MAF: variants seen among roughly 807,000 people sequenced by gnomAD.
MAF encodes the protein transcription factor Maf.
In MAF, 10 loss-of-function variants were observed where a neutral mutation model predicts 22.0. That is an observed-to-expected ratio of 0.45 (90% CI 0.28 to 0.77). MAF has a LOEUF of 0.77. Ranked by LOEUF, MAF falls within the 30% of genes least tolerant of loss-of-function variation. The pLI is 0.12. For missense variants in MAF, 544 were observed against 548.4 expected (o/e 0.99, Z 0.08); for synonymous variants, 337 against 255.8 (o/e 1.32, Z -3.03).
At chr16:79,249,122 T>C in the MAF span, among the ~76,000 whole-genome samples, 1 of 151,968 alleles carries the variant, frequency 6.6e-6, no homozygotes, top group African/African-American at 2.4e-5. Context: ...ATTAGTGCCT[T>C]TATAAAAGAA....
At chr16:79,386,406 G>C in the MAF span, among the ~76,000 whole-genome samples, 1 of 152,102 alleles carries the variant, frequency 6.6e-6, no homozygotes, top group Non-Finnish European at 1.5e-5. Flanking sequence ...GTTCGCAATA[G>C]GGTTCATGCT....
the MAF span, among the ~76,000 whole-genome samples, chr16:79,493,143 G>T: frequency 0.22 from 25,592 of 116,114 alleles, 2,258 homozygotes; most frequent in African/African-American, 0.31. Flanking sequence ...TTTTTTTTTT[G>T]TTTTGTTTTG....
chr16:79,589,137 G>C (rs1344605240), downstream of MAF, among the ~76,000 whole-genome samples: 1 of 152,132 alleles, frequency 6.6e-6, no homozygotes, highest in African/African-American at 2.4e-5. Flanking sequence ...CCTAACTTAA[G>C]TATTCTCACA....
chr16:79,552,427 T>C, the MAF span, among the ~76,000 whole-genome samples: 19 of 152,220 alleles, frequency 1.2e-4, no homozygotes, highest in Non-Finnish European at 2.5e-4. Context: ...CCAGCTGGTC[T>C]TGAACTCCTG....
At chr16:79,457,876 A>G in the MAF span, among the ~76,000 whole-genome samples, 2 of 152,142 alleles carry the variant, frequency 1.3e-5, no homozygotes, top group African/African-American at 2.4e-5. Flanking sequence ...CTCCCACAGT[A>G]TGAGAAAGAA....
the MAF span, among the ~76,000 whole-genome samples, chr16:79,482,052 C>G: frequency 0.81 from 123,030 of 152,068 alleles, 50,173 homozygotes; most frequent in East Asian, 0.93. Context: ...TGCAGGGGTT[C>G]GGGGGCAGGC....
chr16:79,343,560 T>C, the MAF span, among the ~76,000 whole-genome samples: 1 of 152,212 alleles, frequency 6.6e-6, no homozygotes, highest in Non-Finnish European at 1.5e-5. Context: ...GCCTGGTCTG[T>C]ATCATTATTT....
At chr16:79,451,559 T>C in the MAF span, among the ~76,000 whole-genome samples, 1 of 152,230 alleles carries the variant, frequency 6.6e-6, no homozygotes, top group Non-Finnish European at 1.5e-5. Context: ...TCCTGAAACA[T>C]AACTGCAACT....
chr16:79,504,869 T>C, the MAF span, among the ~76,000 whole-genome samples: 1 of 152,230 alleles, frequency 6.6e-6, no homozygotes, highest in Non-Finnish European at 1.5e-5. Flanking sequence ...ATGACTTGTA[T>C]GAATGCCTTG....
chr16:79,585,665 T>C (rs1187705026), downstream of MAF, among the ~76,000 whole-genome samples: 1 of 152,162 alleles, frequency 6.6e-6, no homozygotes, highest in Non-Finnish European at 1.5e-5. Flanking sequence ...TTCTCACATA[T>C]ATCGCATGTA....
At chr16:79,270,207 C>T in the MAF span, among the ~76,000 whole-genome samples, 2 of 152,040 alleles carry the variant, frequency 1.3e-5, no homozygotes, top group African/African-American at 4.8e-5. Context: ...CTAGCTCCCA[C>T]AGAAGGTACC....
the MAF span, among the ~76,000 whole-genome samples, chr16:79,422,079 T>A: frequency 2.0e-5 from 3 of 152,088 alleles, no homozygotes; most frequent in East Asian, 5.8e-4. Flanking sequence ...CGCCCAGCCT[T>A]GAGTAGTGAA....
the MAF span, among the ~76,000 whole-genome samples, chr16:79,481,213 C>A: frequency 7.0e-6 from 1 of 142,584 alleles, no homozygotes; most frequent in African/African-American, 2.6e-5. Flanking sequence ...CTCCTTTACT[C>A]TTTGTTCTCT....
At chr16:79,204,177 C>G in the MAF span, 1 of 152,258 alleles carries the variant, frequency 6.6e-6, no homozygotes, top group East Asian at 1.9e-4. Context: ...CATAAAGAAA[C>G]TGTACTTTGA....
At chr16:79,236,342 C>G in the MAF span, among the ~76,000 whole-genome samples, 4 of 151,914 alleles carry the variant, frequency 2.6e-5, no homozygotes, top group Admixed American at 1.3e-4. Context: ...TCTCCCTCCT[C>G]CAGGCTCATT....
chr16:79,328,650 T>G, the MAF span, among the ~76,000 whole-genome samples: 1 of 152,210 alleles, frequency 6.6e-6, no homozygotes, highest in Non-Finnish European at 1.5e-5. Context: ...AAGTTGTCAC[T>G]GTGTGATTTG....
intron 1 of MAF, among the ~76,000 whole-genome samples, chr16:79,587,558 C>T (rs533350351): frequency 7.9e-5 from 12 of 152,124 alleles, no homozygotes; most frequent in South Asian, 2.1e-4. Flanking sequence ...TGTTAAGCTT[C>T]GGCAAGGAAT....
chr16:79,245,689 C>T, the MAF span, among the ~76,000 whole-genome samples: 1 of 151,988 alleles, frequency 6.6e-6, no homozygotes, highest in African/African-American at 2.4e-5. Flanking sequence ...CCATTTGACC[C>T]AGCAGTCTCA....
chr16:79,588,475 C>T (rs1388492216), intron 1 of MAF, among the ~76,000 whole-genome samples: 5 of 151,832 alleles, frequency 3.3e-5, no homozygotes, highest in Admixed American at 2.0e-4. Flanking sequence ...TGCTGTTTTG[C>T]CCAGGCTTGA....
Sources: allele counts gnomAD v4.1 joint callset (sites outside exome capture counted in the v4.1 genomes callset), GRCh38; gene constraint gnomAD v4.1.1; transcripts MANE v1.5; gene names NCBI Gene and HGNC (gene_info 2026-07-23, HGNC 2026-07-21).